NR2E1: variants seen among roughly 807,000 people sequenced by gnomAD.
NR2E1 encodes the protein nuclear receptor TLX.
NR2E1 carries 5 observed loss-of-function variants against 43.6 expected under a neutral mutation model. The ratio of observed to expected loss-of-function variants is 0.11; its 90% CI spans 0.06 to 0.24. The LOEUF is 0.24. Among genes scored for constraint, NR2E1 ranks in the 10% least tolerant of loss-of-function variants. NR2E1 has a pLI of 1.00. For synonymous variants in NR2E1, 191 were observed against 195.5 expected, an observed-to-expected ratio of 0.98 and a Z score of 0.19; for missense variants, 287 against 496.7, an observed-to-expected ratio of 0.58 and a Z score of 4.01.
Position 108,180,717 on chromosome 6 carries a change from G to C in NR2E1, c.740-90G>C. 8.4e-7 allele frequency: 1 copy of C among 1,188,084 alleles called. No homozygotes were observed. Among genetic ancestry groups the C allele is most frequent in the Non-Finnish European group, 1.2e-6 (1 of 801,156 alleles). The allele number at this position is 1,188,084 out of a possible 1,614,324, so 73.6% of individuals were successfully genotyped here. On this transcript the variant is annotated intron_variant, in intron 6 of 8. Transcript: ENST00000368986. This position sits in a 1 kb window ranked among gnomAD's most constrained non-coding sequence, Gnocchi z 5.4. ...GATATCTTAGAGTGACAATTGAATA[G>C]ATATTGATATGCAGGATTTTGTCAA...
intron 8 of NR2E1, among the ~76,000 whole-genome samples, chr6:108,182,346 A>G (rs1339027684): frequency 6.6e-6 from 1 of 151,976 alleles, no homozygotes; most frequent in African/African-American, 2.4e-5. Context: ...TCAGATGCCA[A>G]TCTCAAATAA....
In NR2E1 at chr6:108,187,629, G is replaced by A. The variant is rs1238575721; in HGVS notation, c.*166G>A. 2.7e-6 allele frequency: 2 copies of A among 738,762 alleles called. No individual in the cohort carries two copies. Among genetic ancestry groups the A allele is most frequent in the East Asian group, 2.8e-5 (1 of 35,992 alleles). 45.8% of individuals were successfully genotyped at this position (738,762 alleles called of 1,614,324 possible). A position where few individuals can be genotyped will look rare whatever the true frequency, so the allele number is the denominator to read the frequency against. On this transcript the variant is annotated 3_prime_UTR_variant, in exon 9 of 9. Transcript: ENST00000368986. ...CAAAGCATTCCAGTAGCTATGACCT[G>A]CCGCCCTGACCAGGATAGGGCGGGT...
In NR2E1 at chr6:108,176,659, C is replaced by G; in HGVS notation, c.416C>G (p.Pro139Arg). The stretch of plus-strand genomic sequence containing the variant: ...TTCACCGCGGTCACGCAGCTGGAGC[C>G]GCACGGCCTGGAGCTGGCCGCGGTG... Reference protein sequence around the residue: ...AFFTAVTQLEPHGLELAAVST... With the variant: ...AFFTAVTQLERHGLELAAVST... The change falls in exon 4 of 9, where the codon CCG becomes CGG. Residue 139 changes from proline to arginine, a missense_variant. By Grantham distance (103) the Pro-to-Arg change is moderately radical (BLOSUM62 -2). This residue lies in a region of NR2E1 where 119 missense variants were observed against 155.7 expected (regional missense o/e 0.76). Transcript: ENST00000368986. The G allele has an allele frequency of 1.2e-6, 2 of 1,606,280 alleles. No homozygotes were observed. The highest frequency in any genetic ancestry group is 8.5e-7 in the Non-Finnish European group (1 of 1,178,396).
At chr6:108,173,040 G>A (rs1355267738) in intron 2 of NR2E1, among the ~76,000 whole-genome samples, 1 of 152,200 alleles carries the variant, frequency 6.6e-6, no homozygotes, top group Non-Finnish European at 1.5e-5. Context: ...CTGATGTTGT[G>A]CTTGATCTTT....
intron 7 of NR2E1, 53 bp from the exon 8 acceptor site, chr6:108,181,493 C>G (rs1773985227): frequency 6.8e-7 from 1 of 1,474,404 alleles, no homozygotes. Context: ...GCGCTCGGCT[C>G]CCAGATGCAA....
At chr6:108,172,333 T>G (rs2114672858) in intron 2 of NR2E1, among the ~76,000 whole-genome samples, 1 of 152,330 alleles carries the variant, frequency 6.6e-6, no homozygotes, top group African/African-American at 2.4e-5. Context: ...ATCCCTGTCC[T>G]CCTTCTCTGC....
In NR2E1 at chr6:108,174,922, C is replaced by T. The variant is rs957803622; in HGVS notation, c.258C>T (p.Asp86=). The stretch of plus-strand genomic sequence containing the variant: ...GTTTGGAAGTCAACATGAACAAAGA[C>T]GGTAATCAGTGCATCCCTTTATTCC... The part of the protein sequence containing the change: ...KKCLEVNMNK[D]AVQHERGPRT... Residue 86 remains aspartate (D), a splice_region_variant and synonymous_variant, in exon 3 of 9, where the codon GAC becomes GAT. Coordinates refer to ENST00000368986, the MANE Select transcript of NR2E1 (RefSeq NM_003269.5). 3 of 1,613,610 alleles carry T rather than the reference C, an allele frequency of 1.9e-6. No homozygotes were observed. The highest frequency in any genetic ancestry group is 1.3e-5 in the African/African-American group (1 of 75,054).
At chr6:108,170,852 G>A (rs772892459) in intron 1 of NR2E1, among the ~76,000 whole-genome samples, 58 of 152,090 alleles carry the variant, frequency 3.8e-4, no homozygotes, top group Admixed American at 1.6e-3. Context: ...GACTCACCAA[G>A]CATTTTTTAA....
chr6:108,182,401 C>T (rs373134675), intron 8 of NR2E1, among the ~76,000 whole-genome samples: 1 of 151,700 alleles, frequency 6.6e-6, no homozygotes, highest in Non-Finnish European at 1.5e-5. Flanking sequence ...TTTTTTGAGA[C>T]AGGGTCTTGC....
At position 108,188,381 on chromosome 6, in the gene NR2E1, T is replaced by A. The variant is rs890023559; in HGVS notation, c.*918T>A. On this transcript the variant is annotated 3_prime_UTR_variant, in exon 9 of 9. Transcript: ENST00000368986. ...AGACAGGAAACGAATATGGACGTAA[T>A]TGCAGAAGGAACTTCAAGGAGATGA... 2 of 152,170 alleles carry A rather than the reference T, an allele frequency of 1.3e-5. No individual in the cohort carries two copies. The highest frequency in any genetic ancestry group is 1.3e-4 in the Admixed American group (2 of 15,252). The allele number at this position is 152,170 out of a possible 1,614,324, so 9.4% of individuals were successfully genotyped here. A position where few individuals can be genotyped will look rare whatever the true frequency, so the allele number is the denominator to read the frequency against.
chr6:108,182,640 C>A (rs1410165643), intron 8 of NR2E1, among the ~76,000 whole-genome samples: 1 of 148,802 alleles, frequency 6.7e-6, no homozygotes. Flanking sequence ...CTCACTGCAA[C>A]CTTCGCCTTC....
intron 4 of NR2E1, among the ~76,000 whole-genome samples, chr6:108,177,185 A>C (rs17069336): frequency 0.013 from 1,917 of 152,342 alleles, 43 homozygotes; most frequent in African/African-American, 0.042. Context: ...CCAGAATTCC[A>C]AATCTTGGCA....
At chr6:108,182,543 C>CT (rs1283506088) in intron 8 of NR2E1, among the ~76,000 whole-genome samples, 9 of 150,506 alleles carry the variant, frequency 6.0e-5, no homozygotes, top group East Asian at 3.9e-4. Flanking sequence ...TGCATGCCAC[C>CT]ACACCCAGCT....
intron 1 of NR2E1, among the ~76,000 whole-genome samples, chr6:108,167,188 C>G (rs1245126634): frequency 6.6e-6 from 1 of 152,174 alleles, no homozygotes; most frequent in Non-Finnish European, 1.5e-5. Context: ...AAAAGCAACT[C>G]TGTGCAAAGC....
At chr6:108,167,209 T>A (rs1052418219) in intron 1 of NR2E1, among the ~76,000 whole-genome samples, 1 of 152,190 alleles carries the variant, frequency 6.6e-6, no homozygotes, top group Non-Finnish European at 1.5e-5. Flanking sequence ...GGATTTTGAA[T>A]GGAATGCTTT....
chr6:108,183,128 T>G (rs1348806369), intron 8 of NR2E1, among the ~76,000 whole-genome samples: 1 of 152,224 alleles, frequency 6.6e-6, no homozygotes, highest in East Asian at 1.9e-4. Flanking sequence ...AGGCTGTTTT[T>G]GGCTGTTTGT....
rs1447292163 is a variant in NR2E1 at position 108,188,643 on chromosome 6, C to A, written c.*1180C>A. On this transcript the variant is annotated 3_prime_UTR_variant, in exon 9 of 9. Coordinates refer to ENST00000368986, the MANE Select transcript of NR2E1 (RefSeq NM_003269.5). The stretch of plus-strand genomic sequence containing the variant: ...TTTTAAATAGCTGCTGTACTTTTCA[C>A]ATTTTGATTTATTAGGTACTAGCAC... 6.6e-6 allele frequency: 1 copy of A among 151,984 alleles called. No homozygotes were observed. The highest frequency in any genetic ancestry group is 1.5e-5 in the Non-Finnish European group (1 of 68,014). The allele number at this position is 151,984 out of a possible 1,614,324, so 9.4% of individuals were successfully genotyped here. A position where few individuals can be genotyped will look rare whatever the true frequency, so the allele number is the denominator to read the frequency against.
Position 108,187,632 on chromosome 6 carries a change from G to C in NR2E1, c.*169G>C. 1 of 717,042 alleles carries C rather than the reference G, an allele frequency of 1.4e-6. No individual in the cohort carries two copies. Among genetic ancestry groups the C allele is most frequent in the South Asian group, 1.6e-5 (1 of 64,306 alleles). 44.4% of individuals were successfully genotyped at this position (717,042 alleles called of 1,614,324 possible). ...AGCATTCCAGTAGCTATGACCTGCC[G>C]CCCTGACCAGGATAGGGCGGGTGGG... On this transcript the variant is annotated 3_prime_UTR_variant, in exon 9 of 9. Transcript: ENST00000368986.
In NR2E1 at chr6:108,166,809, G is replaced by T. The variant is rs1773716466; in HGVS notation, c.25+19G>T. 1 of 1,588,982 alleles carries T rather than the reference G, an allele frequency of 6.3e-7. No homozygotes were observed. The highest frequency in any genetic ancestry group is 2.3e-5 in the East Asian group (1 of 44,028). ...TCAACAAGTGGGTACCTCTCGGGCC[G>T]CCGTGGGGCCTAGGCGCGCAGCCTG... On this transcript the variant is annotated intron_variant, in intron 1 of 8. Coordinates refer to ENST00000368986, the MANE Select transcript of NR2E1 (RefSeq NM_003269.5). This position sits in a 1 kb window ranked among gnomAD's most constrained non-coding sequence, Gnocchi z 7.2.
Sources: gnomAD v4.1 joint callset for allele counts (sites outside exome capture counted in the v4.1 genomes callset) on GRCh38, gnomAD v4.1.1 for gene constraint, gnomAD v4.1.1 regional missense constraint, Gnocchi (gnomAD v3.1) non-coding constraint, MANE v1.5 for transcripts, NCBI Gene and HGNC (gene_info 2026-07-23, HGNC 2026-07-21) for gene names.